Variants in STAG1 observed in about 807,000 individuals in gnomAD.
The protein encoded by STAG1 is STAG1 cohesin complex component.
A neutral mutation model predicts 170.9 loss-of-function variants in STAG1; 26 were observed. The observed-to-expected ratio is 0.15, with a 90% CI of 0.11 to 0.21. The LOEUF (loss-of-function observed/expected upper bound fraction) is 0.21. STAG1 is among the 10% of genes least tolerant of loss of function. The pLI, the probability that STAG1 is intolerant of heterozygous loss-of-function variation, is 1.00. For missense variants in STAG1, 964 were observed against 1,509.5 expected (o/e 0.64, Z 5.99); for synonymous variants, 514 against 497.7 (o/e 1.03, Z -0.44).
intron 4 of STAG1, among the ~76,000 whole-genome samples, chr3:136,579,355 C>G (rs1937543490): frequency 6.6e-6 from 1 of 152,268 alleles, no homozygotes; most frequent in African/African-American, 2.4e-5. Flanking sequence ...TATCTAATAT[C>G]TCACAATTTC....
At chr3:136,485,082 C>T (rs928061869) in intron 9 of STAG1, among the ~76,000 whole-genome samples, 1 of 152,170 alleles carries the variant, frequency 6.6e-6, no homozygotes, top group African/African-American at 2.4e-5. Flanking sequence ...TGTTCCTATT[C>T]GGCCATCTTG....
At chr3:136,621,001 G>A (rs1377445879) in intron 3 of STAG1, among the ~76,000 whole-genome samples, 3 of 152,062 alleles carry the variant, frequency 2.0e-5, no homozygotes, top group East Asian at 1.9e-4. Flanking sequence ...GGTGGCGCAC[G>A]CCTGTAGTCC....
chr3:136,648,263 G>A (rs1452125024), intron 1 of STAG1, among the ~76,000 whole-genome samples: 2 of 152,148 alleles, frequency 1.3e-5, no homozygotes, highest in African/African-American at 4.8e-5. Flanking sequence ...TGAGTCACCT[G>A]GGTTTGGGGA....
intron 23 of STAG1, among the ~76,000 whole-genome samples, chr3:136,371,399 C>T (rs1448988288): frequency 2.6e-5 from 4 of 152,104 alleles, no homozygotes; most frequent in Non-Finnish European, 5.9e-5. Flanking sequence ...GTTGCCATTG[C>T]TTTTGGTGTT....
At chr3:136,692,875 T>C (rs748541321) in intron 1 of STAG1, among the ~76,000 whole-genome samples, 2 of 152,168 alleles carry the variant, frequency 1.3e-5, no homozygotes, top group Non-Finnish European at 2.9e-5. Context: ...CTGGATCAAT[T>C]TGGATTTCAA....
At chr3:136,418,427 G>C (rs895444714) in intron 20 of STAG1, among the ~76,000 whole-genome samples, 1 of 104,364 alleles carries the variant, frequency 9.6e-6, no homozygotes, top group East Asian at 3.4e-4. Context: ...TTGCAGAATT[G>C]AAAAAGATCC....
intron 1 of STAG1, among the ~76,000 whole-genome samples, chr3:136,632,716 C>G (rs1940379780): frequency 6.6e-6 from 1 of 151,956 alleles, no homozygotes; most frequent in Non-Finnish European, 1.5e-5. Flanking sequence ...CACGCATGCC[C>G]AAGGCTAAAA....
intron 25 of STAG1, among the ~76,000 whole-genome samples, chr3:136,364,596 C>G (rs969573337): frequency 2.0e-5 from 3 of 151,986 alleles, no homozygotes; most frequent in African/African-American, 7.3e-5. Context: ...TGTAACCCCC[C>G]CATCAACATG....
rs1202623864 is a variant in STAG1, at chr3:136,337,798, A to C, written c.*456T>G. The C allele has an allele frequency of 6.5e-6, 1 of 153,568 alleles. No homozygotes were observed. The highest frequency in any genetic ancestry group is 1.9e-4 in the East Asian group (1 of 5,238). The allele number at this position is 153,568 out of a possible 1,614,324, so 9.5% of individuals were successfully genotyped here. On this transcript the variant is annotated 3_prime_UTR_variant, in exon 34 of 34. Coordinates refer to ENST00000383202, the MANE Select transcript of STAG1 (RefSeq NM_005862.3). ...GATGAGCTGCTTACTCATAGGTTTA[A>C]TAAAAATGGTTAGCTTTTAAAACAT...
rs181320324 is a variant in STAG1 at position 136,640,831 on chromosome 3, T to G, written c.-83-9850A>C. Among the ~76,000 whole-genome samples the G allele has an allele frequency of 9.9e-3, 1,501 of 151,472 alleles. 10 individuals carry two copies. The highest frequency in any genetic ancestry group is 0.015 in the Admixed American group (234 of 15,182). ...GGGATTACAGGCGCCCGCCCCAACATGCCCGGCTAATTTTTGTATTTTTAG... is the reference window on the plus strand; with the variant it reads ...GGGATTACAGGCGCCCGCCCCAACAGGCCCGGCTAATTTTTGTATTTTTAG... On this transcript the variant is annotated intron_variant, in intron 1 of 33. Coordinates refer to ENST00000383202, the MANE Select transcript of STAG1 (RefSeq NM_005862.3).
chr3:136,373,780 A>G (rs1012000329), intron 23 of STAG1, among the ~76,000 whole-genome samples: 6 of 152,130 alleles, frequency 3.9e-5, no homozygotes, highest in Non-Finnish European at 8.8e-5. Flanking sequence ...TATGTGGTCA[A>G]TTTTGGAATA....
At chr3:136,596,282 A>C (rs1387096247) in intron 4 of STAG1, among the ~76,000 whole-genome samples, 3 of 152,212 alleles carry the variant, frequency 2.0e-5, no homozygotes, top group Non-Finnish European at 4.4e-5. Flanking sequence ...GGAAACTACC[A>C]CAGCCACTTG....
At chr3:136,356,033 C>T (rs937115623) in intron 28 of STAG1, among the ~76,000 whole-genome samples, 7 of 151,780 alleles carry the variant, frequency 4.6e-5, no homozygotes, top group African/African-American at 1.7e-4. Flanking sequence ...CATTTCAGTG[C>T]CTGAAACTCT....
rs1023052249 is a variant in STAG1, at chr3:136,464,194, C to T, written c.1313+687G>A. Among the ~76,000 whole-genome samples the T allele has an allele frequency of 9.9e-5, 15 of 151,608 alleles. No homozygotes were observed. In the East Asian group the frequency reaches 1.2e-3, roughly 12 times the overall value. ...ATCCCAGCAGTTTGGGAGGCTGAGG[C>T]GGGCGGATTACCTGAGGTCGGGAGT... On this transcript the variant is annotated intron_variant, in intron 13 of 33. Coordinates refer to ENST00000383202, the MANE Select transcript of STAG1 (RefSeq NM_005862.3).
intron 1 of STAG1, among the ~76,000 whole-genome samples, chr3:136,699,187 G>GA (rs1559958285): frequency 6.6e-6 from 1 of 151,922 alleles, no homozygotes; most frequent in East Asian, 1.9e-4. Flanking sequence ...TCCATGTAAC[G>GA]AAAAATCACC....
At chr3:136,558,939 GCTTCC>G (rs1936730427) in intron 5 of STAG1, among the ~76,000 whole-genome samples, 1 of 152,068 alleles carries the variant, frequency 6.6e-6, no homozygotes, top group Non-Finnish European at 1.5e-5. Flanking sequence ...GGGTAATTTT[GCTTCC>G]CAAAATTGAA....
In STAG1 at chr3:136,337,986, AAAAC is replaced by A. The variant is rs1402626480; in HGVS notation, c.*264_*267del. 2 of 357,880 alleles carry A rather than the reference AAAAC, an allele frequency of 5.6e-6. No individual in the cohort carries two copies. Among genetic ancestry groups the A allele is most frequent in the Non-Finnish European group, 1.0e-5 (2 of 198,876 alleles). The allele number at this position is 357,880 out of a possible 1,614,324, so 22.2% of individuals were successfully genotyped here. ...TTTAAAATTTCTTCCTCCCTCCAGA[AAAAC>A]ACACACATCTGTATTGGGATAAGTC... On this transcript the variant is annotated 3_prime_UTR_variant, in exon 34 of 34. Coordinates refer to ENST00000383202, the MANE Select transcript of STAG1 (RefSeq NM_005862.3).
chr3:136,340,639 C>G (rs762872972), intron 31 of STAG1, 34 bp from the exon 32 acceptor site: 2 of 1,373,324 alleles, frequency 1.5e-6, no homozygotes, highest in Non-Finnish European at 2.1e-6. Flanking sequence ...GAAAGCTCAT[C>G]AGACTCCACC....
At chr3:136,607,202 A>G (rs1938994369) in intron 3 of STAG1, among the ~76,000 whole-genome samples, 1 of 152,154 alleles carries the variant, frequency 6.6e-6, no homozygotes, top group African/African-American at 2.4e-5. Flanking sequence ...TGTACCCTTC[A>G]GAACAAAGTC....
Sources: gnomAD v4.1 joint callset for allele counts (sites outside exome capture counted in the v4.1 genomes callset) on GRCh38, gnomAD v4.1.1 for gene constraint, MANE v1.5 for transcripts, NCBI Gene and HGNC (gene_info 2026-07-23, HGNC 2026-07-21) for gene names.